The following CFTR variants were observed in gnomAD, a reference collection of about 807,000 sequenced individuals.
The protein encoded by CFTR is CF transmembrane conductance regulator.
A neutral mutation model predicts 171.6 loss-of-function variants in CFTR; 181 were observed. That is an observed-to-expected ratio of 1.05 (90% CI 0.93 to 1.19). CFTR has a LOEUF of 1.19. Among genes scored for constraint, CFTR ranks in the 50% most tolerant of loss-of-function variants. The pLI is 0.00. For missense variants in CFTR, 1,968 were observed against 1,734.7 expected (o/e 1.13, Z -2.39); for synonymous variants, 583 against 608.0 (o/e 0.96, Z 0.60).
intron 10 of CFTR, among the ~76,000 whole-genome samples, chr7:117,552,108 G>C (rs1179453044): frequency 3.3e-5 from 5 of 151,726 alleles, no homozygotes; most frequent in African/African-American, 1.2e-4. Context: ...CACTATACAT[G>C]ATTTATTTTA....
intron 1 of CFTR, among the ~76,000 whole-genome samples, chr7:117,493,189 A>T (rs1044905324): frequency 1.3e-5 from 2 of 152,062 alleles, no homozygotes; most frequent in African/African-American, 4.8e-5. Context: ...CCAAATTATC[A>T]TCATTTGTGC....
chr7:117,536,406 T>C, intron 6 of CFTR, 142 bp from the exon 7 acceptor site: 3 of 838,796 alleles, frequency 3.6e-6, no homozygotes, highest in South Asian at 1.5e-5. Context: ...TTATTATTTT[T>C]GTTACCATCT....
At chr7:117,648,507 G>T (rs1353875870) in intron 23 of CFTR, among the ~76,000 whole-genome samples, 1 of 151,974 alleles carries the variant, frequency 6.6e-6, no homozygotes, top group Non-Finnish European at 1.5e-5. Flanking sequence ...GACATATATG[G>T]CATTAAATAA....
rs1484409409 is a variant in CFTR at position 117,508,266 on chromosome 7, G to A, written c.165-768G>A. 2.6e-5 allele frequency among the ~76,000 whole-genome samples: 4 copies of A among 152,132 alleles called. No individual in the cohort carries two copies. The East Asian group carries it at 5.8e-4, about 22-fold the overall frequency. Reference sequence around the variant, plus strand: ...ATATTTAGAGATATTTTATTCCTTTGTGAAGAGAAAAAAGGCTTTCATTAA... The same window carrying A: ...ATATTTAGAGATATTTTATTCCTTTATGAAGAGAAAAAAGGCTTTCATTAA... On this transcript the variant is annotated intron_variant, in intron 2 of 26. Transcript: ENST00000003084.
chr7:117,546,625 G>A (rs1799151714), intron 9 of CFTR, among the ~76,000 whole-genome samples: 1 of 152,018 alleles, frequency 6.6e-6, no homozygotes, highest in South Asian at 2.1e-4. Context: ...TCTGTAATCA[G>A]AAATAAAAGT....
intron 26 of CFTR, 138 bp from the exon 27 acceptor site, chr7:117,666,770 A>T (rs1793382357): frequency 1.3e-6 from 1 of 755,956 alleles, no homozygotes; most frequent in African/African-American, 1.7e-5. Context: ...AATGTGACAT[A>T]CCTGATTGTT....
chr7:117,542,864 T>A (rs1306769710), intron 9 of CFTR, among the ~76,000 whole-genome samples: 1 of 152,210 alleles, frequency 6.6e-6, no homozygotes, highest in African/African-American at 2.4e-5. Flanking sequence ...CAGAGTACCA[T>A]GCACACAGTT....
intron 3 of CFTR, among the ~76,000 whole-genome samples, chr7:117,518,267 T>C (rs1798626589): frequency 6.7e-6 from 1 of 148,380 alleles, no homozygotes; most frequent in South Asian, 2.1e-4. Context: ...ATGTCACATA[T>C]ATGTCTCTAA....
intron 17 of CFTR, among the ~76,000 whole-genome samples, chr7:117,605,206 T>C (rs556707564): frequency 6.6e-6 from 1 of 152,312 alleles, no homozygotes; most frequent in East Asian, 1.9e-4. Flanking sequence ...TTCCAAACCA[T>C]TTGAAATATA....
chr7:117,578,808 C>A (rs1791810576), intron 11 of CFTR, among the ~76,000 whole-genome samples: 1 of 152,072 alleles, frequency 6.6e-6, no homozygotes, highest in African/African-American at 2.4e-5. Flanking sequence ...TTTAACACAA[C>A]CAAATAGCCA....
At chr7:117,590,816 C>A (rs1792014589) in intron 13 of CFTR, among the ~76,000 whole-genome samples, 2 of 151,918 alleles carry the variant, frequency 1.3e-5, no homozygotes, top group Admixed American at 6.6e-5. Flanking sequence ...TAGATAGTAA[C>A]CTTCTTAAGA....
intron 10 of CFTR, 123 bp downstream of exon 10, chr7:117,548,946 T>C (rs1043820902): frequency 3.7e-6 from 5 of 1,339,700 alleles, no homozygotes; most frequent in Non-Finnish European, 5.2e-6. Context: ...GGAGAATGTA[T>C]GGGTGTAGTG....
chr7:117,561,845 G>T (rs941309849), intron 11 of CFTR, among the ~76,000 whole-genome samples: 1 of 152,110 alleles, frequency 6.6e-6, no homozygotes, highest in Non-Finnish European at 1.5e-5. Flanking sequence ...AATAATGTGA[G>T]GAGTAACCTC....
At chr7:117,563,348 C>T in intron 11 of CFTR, among the ~76,000 whole-genome samples, 1 of 151,984 alleles carries the variant, frequency 6.6e-6, no homozygotes, top group East Asian at 1.9e-4. Context: ...TAATAGGAAA[C>T]CATTTCAGGA....
intron 7 of CFTR, among the ~76,000 whole-genome samples, chr7:117,538,256 G>C (rs568329713): frequency 1.3e-5 from 2 of 152,252 alleles, no homozygotes; most frequent in African/African-American, 4.8e-5. Context: ...ACTTCAGCCT[G>C]GGCCACTGTT....
intron 26 of CFTR, 61 bp downstream of exon 26, chr7:117,665,625 A>C: frequency 1.0e-5 from 11 of 1,050,916 alleles, no homozygotes; most frequent in East Asian, 2.4e-5. Flanking sequence ...TAACAATCTC[A>C]CATGTGATAG....
At chr7:117,662,783 T>C (rs1322553844) in intron 24 of CFTR, among the ~76,000 whole-genome samples, 3 of 152,106 alleles carry the variant, frequency 2.0e-5, no homozygotes, top group Non-Finnish European at 4.4e-5. Flanking sequence ...AGGAGGAGAA[T>C]GATTTAAAAA....
chr7:117,529,975 T>C (rs772170385), intron 3 of CFTR, among the ~76,000 whole-genome samples: 1 of 152,150 alleles, frequency 6.6e-6, no homozygotes, highest in Admixed American at 6.6e-5. Context: ...TTGAAGCCAA[T>C]GTAACAAGAT....
intron 11 of CFTR, among the ~76,000 whole-genome samples, chr7:117,569,203 A>G (rs1266022086): frequency 6.6e-6 from 1 of 152,154 alleles, no homozygotes. Context: ...AAGGAATTTC[A>G]ATACTTAAGA....
Sources: allele counts gnomAD v4.1 joint callset (sites outside exome capture counted in the v4.1 genomes callset), GRCh38; gene constraint gnomAD v4.1.1; transcripts MANE v1.5; gene names NCBI Gene and HGNC (gene_info 2026-07-23, HGNC 2026-07-21).